The following ZC3H8 variants were observed in gnomAD, a reference collection of about 807,000 sequenced individuals.
ZC3H8 encodes zinc finger CCCH-type containing 8, also known as zinc finger CCCH domain-containing protein 8.
In ZC3H8, 27 loss-of-function variants were observed where a neutral mutation model predicts 42.5. The ratio of observed to expected loss-of-function variants is 0.64; its 90% CI spans 0.47 to 0.88. The LOEUF (loss-of-function observed/expected upper bound fraction) is 0.88. Among genes scored for constraint, ZC3H8 ranks in the 40% least tolerant of loss-of-function variants. ZC3H8 has a pLI of 0.00. For missense variants in ZC3H8, 277 were observed against 336.1 expected (o/e 0.82, Z 1.37); for synonymous variants, 101 against 110.1 (o/e 0.92, Z 0.52).
rs1685350465 is a variant in ZC3H8, at chr2:112,236,694, A to G, written c.372T>C (p.Ala124=). ...KKEGVKDTPQ[A]AKQKNKNLKA... ...TAAGATTTTTATTTTTTTGTTTAGC[A>G]GCTAAAAACAAAAAATTAATTTAAA... The change falls in exon 4 of 9, where the codon GCT becomes GCC. Residue 124 remains alanine, a splice_region_variant and synonymous_variant. Transcript: ENST00000409573. The G allele has an allele frequency of 6.2e-7, 1 of 1,602,280 alleles. No individual in the cohort carries two copies. The highest frequency in any genetic ancestry group is 8.5e-7 in the Non-Finnish European group (1 of 1,174,970).
Position 112,212,489 on chromosome 2 carries a change from C to T in ZC3H8, c.*3995G>A, listed in dbSNP as rs777354596. ...AAGAATGTAGGTTTGCTTCTTAGTTCACATTTATTAGTTTCCCTTTGGCTG... is the reference window on the plus strand; with the variant it reads ...AAGAATGTAGGTTTGCTTCTTAGTTTACATTTATTAGTTTCCCTTTGGCTG... On this transcript the variant is annotated 3_prime_UTR_variant, in exon 9 of 9. Coordinates refer to ENST00000409573, the MANE Select transcript of ZC3H8 (RefSeq NM_032494.3). The T allele has an allele frequency of 8.5e-5, 13 of 152,202 alleles. No individual in the cohort carries two copies. Among genetic ancestry groups the T allele is most frequent in the Non-Finnish European group, 1.5e-4 (10 of 68,052 alleles). 9.4% of individuals were successfully genotyped at this position (152,202 alleles called of 1,614,324 possible).
At chr2:112,226,735 C>G (rs554037892) in intron 8 of ZC3H8, among the ~76,000 whole-genome samples, 1 of 151,956 alleles carries the variant, frequency 6.6e-6, no homozygotes, top group African/African-American at 2.4e-5. Flanking sequence ...TACCTTGATA[C>G]GAAAGCCAGA....
intron 2 of ZC3H8, among the ~76,000 whole-genome samples, chr2:112,239,459 C>G (rs1685488081): frequency 6.6e-6 from 1 of 152,018 alleles, no homozygotes; most frequent in East Asian, 1.9e-4. Context: ...TACTTTGGGG[C>G]CTGGTCTCTT....
At chr2:112,242,875 C>A (rs2104665173) in intron 2 of ZC3H8, among the ~76,000 whole-genome samples, 1 of 152,214 alleles carries the variant, frequency 6.6e-6, no homozygotes, top group East Asian at 1.9e-4. Context: ...AAAAACAAGA[C>A]TATAATCAAA....
chr2:112,232,019 TTTTCC>T, intron 6 of ZC3H8, 72 bp from the exon 7 acceptor site: 6 of 933,842 alleles, frequency 6.4e-6, no homozygotes, highest in South Asian at 2.3e-5. Context: ...ATGACTTTAT[TTTTCC>T]TAAATAAAGA....
chr2:112,241,462 ATTGAATTCAGAAAATTCAGTGAAC>A (rs1200953514), intron 2 of ZC3H8, among the ~76,000 whole-genome samples: 17 of 152,204 alleles, frequency 1.1e-4, no homozygotes, highest in East Asian at 1.9e-4. Context: ...GGGCCTATGG[ATTGAATTCAGAAAATTCAGTGAAC>A]TTGAATTCAG....
At position 112,216,051 on chromosome 2, in the gene ZC3H8, ACT is replaced by A. The variant is rs1558914177; in HGVS notation, c.*431_*432del. On this transcript the variant is annotated 3_prime_UTR_variant, in exon 9 of 9. Coordinates refer to ENST00000409573, the MANE Select transcript of ZC3H8 (RefSeq NM_032494.3). The stretch of plus-strand genomic sequence containing the variant: ...CTATTTAATGTCATAAAGAGAACTA[ACT>A]CTGTTTTTATGGTCCATCTACCAAT... 2 of 152,092 alleles carry A rather than the reference ACT, an allele frequency of 1.3e-5. No individual in the cohort carries two copies. The highest frequency in any genetic ancestry group is 4.8e-5 in the African/African-American group (2 of 41,398). 9.4% of individuals were successfully genotyped at this position (152,092 alleles called of 1,614,324 possible).
At position 112,231,976 on chromosome 2, in the gene ZC3H8, T is replaced by C. The variant is rs763494832; in HGVS notation, c.734-29A>G. 3.1e-6 allele frequency: 4 copies of C among 1,278,362 alleles called. No homozygotes were observed. In the East Asian group the frequency reaches 9.6e-5, roughly 31 times the overall value. The allele number at this position is 1,278,362 out of a possible 1,614,324, so 79.2% of individuals were successfully genotyped here. A position where few individuals can be genotyped will look rare whatever the true frequency, so the allele number is the denominator to read the frequency against. On this transcript the variant is annotated intron_variant, in intron 6 of 8. Transcript: ENST00000409573. ...ACCCAAGTGTTAAGGAAGAGAACAA[T>C]TTTAATCCAATTGAAATAATGTTAT...
intron 1 of ZC3H8, among the ~76,000 whole-genome samples, chr2:112,251,942 A>T (rs1685963087): frequency 6.6e-6 from 1 of 152,206 alleles, no homozygotes; most frequent in African/African-American, 2.4e-5. Context: ...GGGCTCTTCT[A>T]GTTTCTTCTT....
At chr2:112,249,693 C>T (rs1001701234) in intron 2 of ZC3H8, among the ~76,000 whole-genome samples, 2 of 152,162 alleles carry the variant, frequency 1.3e-5, no homozygotes, top group African/African-American at 2.4e-5. Flanking sequence ...ATCCATCCAC[C>T]TCGGCCTCCC....
At chr2:112,244,031 A>C (rs1009019368) in intron 2 of ZC3H8, among the ~76,000 whole-genome samples, 1 of 131,130 alleles carries the variant, frequency 7.6e-6, no homozygotes, top group African/African-American at 3.1e-5. Context: ...AAAAAGATAA[A>C]AAATAAGAGA....
At chr2:112,218,656 A>G (rs1684437296) in intron 8 of ZC3H8, among the ~76,000 whole-genome samples, 1 of 152,314 alleles carries the variant, frequency 6.6e-6, no homozygotes, top group African/African-American at 2.4e-5. Flanking sequence ...AATTTTTTGG[A>G]GATTCACTAC....
intron 8 of ZC3H8, among the ~76,000 whole-genome samples, chr2:112,229,353 T>C (rs1167831258): frequency 6.6e-6 from 1 of 152,202 alleles, no homozygotes; most frequent in Non-Finnish European, 1.5e-5. Flanking sequence ...AGAGTTACAG[T>C]TATACTCTTT....
intron 3 of ZC3H8, among the ~76,000 whole-genome samples, chr2:112,237,537 A>G (rs1055762949): frequency 2.0e-5 from 3 of 152,106 alleles, no homozygotes; most frequent in Non-Finnish European, 4.4e-5. Flanking sequence ...GATCCATTTT[A>G]AGTAAAGAAA....
chr2:112,224,425 C>T (rs1017432849), intron 8 of ZC3H8, among the ~76,000 whole-genome samples: 5 of 152,186 alleles, frequency 3.3e-5, no homozygotes, highest in African/African-American at 1.2e-4. Context: ...GACAGAGTTT[C>T]TACCAGAAAA....
chr2:112,217,860 A>G (rs1173797725), intron 8 of ZC3H8, among the ~76,000 whole-genome samples: 3 of 152,110 alleles, frequency 2.0e-5, no homozygotes, highest in Non-Finnish European at 4.4e-5. Flanking sequence ...CTGAAAAAAA[A>G]TGTTGCCCCT....
chr2:112,233,390 C>T lies in ZC3H8; in HGVS notation c.622-19G>A. On this transcript the variant is annotated intron_variant, in intron 5 of 8. Coordinates refer to ENST00000409573, the MANE Select transcript of ZC3H8 (RefSeq NM_032494.3). ...GGTCTCCCTAGGCCAAAAGAAGGAG[C>T]AAGGAAAAGCCATTATTTCTCATAG... The T allele has an allele frequency of 2.1e-6, 3 of 1,457,726 alleles. No individual in the cohort carries two copies. The highest frequency in any genetic ancestry group is 2.8e-6 in the Non-Finnish European group (3 of 1,063,736). The allele number at this position is 1,457,726 out of a possible 1,614,324, so 90.3% of individuals were successfully genotyped here. A position where few individuals can be genotyped will look rare whatever the true frequency, so the allele number is the denominator to read the frequency against.
chr2:112,229,287 CTCTA>C (rs1431382245), intron 8 of ZC3H8, among the ~76,000 whole-genome samples: 1 of 152,090 alleles, frequency 6.6e-6, no homozygotes, highest in Non-Finnish European at 1.5e-5. Context: ...GATATGAGGC[CTCTA>C]TCTGATACCA....
At chr2:112,221,110 C>G (rs1399041323) in intron 8 of ZC3H8, among the ~76,000 whole-genome samples, 1 of 152,168 alleles carries the variant, frequency 6.6e-6, no homozygotes, top group Admixed American at 6.6e-5. Flanking sequence ...TAGATTTGGT[C>G]TCTTTACATA....
Sources: gnomAD v4.1 joint callset for allele counts (sites outside exome capture counted in the v4.1 genomes callset) on GRCh38, gnomAD v4.1.1 for gene constraint, MANE v1.5 for transcripts, NCBI Gene and HGNC (gene_info 2026-07-23, HGNC 2026-07-21) for gene names.